Variants in GNAI1 observed in about 807,000 individuals in gnomAD.
The protein encoded by GNAI1 is guanine nucleotide-binding protein G(i) subunit alpha-1.
A neutral mutation model predicts 38.9 loss-of-function variants in GNAI1; 11 were observed. The ratio of observed to expected loss-of-function variants is 0.28; its 90% CI spans 0.18 to 0.47. The LOEUF is 0.47. Among genes scored for constraint, GNAI1 ranks in the 20% least tolerant of loss-of-function variants. The pLI, the probability that GNAI1 is intolerant of heterozygous loss-of-function variation, is 0.99. For synonymous variants in GNAI1, 166 were observed against 145.1 expected, an observed-to-expected ratio of 1.14 and a Z score of -1.04; for missense variants, 317 against 436.9, an observed-to-expected ratio of 0.73 and a Z score of 2.45.
At chr7:80,209,938 T>G (rs1788845108) in intron 5 of GNAI1, among the ~76,000 whole-genome samples, 1 of 152,166 alleles carries the variant, frequency 6.6e-6, no homozygotes, top group East Asian at 1.9e-4. Flanking sequence ...GCCAAAAGAA[T>G]GAAGAAGCCC....
chr7:80,149,521 A>G (rs1032547771), intron 1 of GNAI1, among the ~76,000 whole-genome samples: 2 of 152,202 alleles, frequency 1.3e-5, no homozygotes, highest in African/African-American at 2.4e-5. Flanking sequence ...AATTATCTGC[A>G]CTAACTTGAT....
At chr7:80,145,403 A>G (rs1787601918) in intron 1 of GNAI1, among the ~76,000 whole-genome samples, 1 of 152,064 alleles carries the variant, frequency 6.6e-6, no homozygotes, top group South Asian at 2.1e-4. Context: ...CTCCTTCTGG[A>G]GTTCCTTTTA....
chr7:80,144,796 C>G (rs1787590092), intron 1 of GNAI1, among the ~76,000 whole-genome samples: 1 of 152,146 alleles, frequency 6.6e-6, no homozygotes, highest in African/African-American at 2.4e-5. Context: ...CGAAGTTAAT[C>G]TAATTCCAAG....
Position 80,141,988 on chromosome 7 carries a change from G to C in GNAI1, c.118+6710G>C, listed in dbSNP as rs543470501. On this transcript the variant is annotated intron_variant, in intron 1 of 7. Transcript: ENST00000649796. ...AGCAAATTTAAGCTCCATGCGTCTA[G>C]CAATAGTATGTTCATGATAATTCAC... is the stretch of plus-strand genomic sequence containing the variant. 5.0e-4 allele frequency among the ~76,000 whole-genome samples: 76 copies of C among 152,224 alleles called. 2 individuals carry two copies. The South Asian group carries it at 0.015, about 30-fold the overall frequency.
At chr7:80,195,106 A>G (rs1179770925) in intron 3 of GNAI1, among the ~76,000 whole-genome samples, 1 of 151,964 alleles carries the variant, frequency 6.6e-6, no homozygotes, top group Non-Finnish European at 1.5e-5. Context: ...TGTATTGACA[A>G]GTTCTCTTGT....
intron 5 of GNAI1, among the ~76,000 whole-genome samples, chr7:80,204,251 TC>T (rs910985963): frequency 6.6e-6 from 1 of 152,128 alleles, no homozygotes; most frequent in African/African-American, 2.4e-5. Flanking sequence ...AACAATTTTT[TC>T]GTGAACAGTT....
At chr7:80,158,779 G>A (rs2714455) in intron 1 of GNAI1, among the ~76,000 whole-genome samples, 9,349 of 152,192 alleles carry the variant, frequency 0.061, 389 homozygotes, top group Non-Finnish European at 0.088. Flanking sequence ...TTTGCACCAC[G>A]CTATTCAAGC....
intron 5 of GNAI1, among the ~76,000 whole-genome samples, chr7:80,205,153 AT>A (rs1788751494): frequency 1.3e-5 from 2 of 152,184 alleles, no homozygotes; most frequent in Non-Finnish European, 2.9e-5. Context: ...TGACTAATTT[AT>A]ATGAATATAA....
rs568003126 is a variant in GNAI1 at position 80,151,633 on chromosome 7, C to T, written c.118+16355C>T. The stretch of plus-strand genomic sequence containing the variant: ...AATAAATGCCTCAATGAAGCATCAT[C>T]ATGAATGAAAAGGCTCAGTAGTGTT... On this transcript the variant is annotated intron_variant, in intron 1 of 7. Coordinates refer to ENST00000649796, the MANE Select transcript of GNAI1 (RefSeq NM_002069.6). Among the ~76,000 whole-genome samples the T allele has an allele frequency of 1.5e-4, 23 of 152,342 alleles. No individual in the cohort carries two copies. In the South Asian group the frequency reaches 4.3e-3, roughly 29 times the overall value.
At position 80,155,615 on chromosome 7, in the gene GNAI1, G is replaced by A. The variant is rs192279013; in HGVS notation, c.118+20337G>A. Among the ~76,000 whole-genome samples the A allele has an allele frequency of 1.5e-3, 226 of 152,266 alleles. 1 individual carries two copies. Among genetic ancestry groups the A allele is most frequent in the African/African-American group, 5.0e-3 (208 of 41,546 alleles). On this transcript the variant is annotated intron_variant, in intron 1 of 7. Coordinates refer to ENST00000649796, the MANE Select transcript of GNAI1 (RefSeq NM_002069.6). Reference sequence around the variant, plus strand: ...GTCATTAAGGTGTCAAAGTCAGTGAGTAGGCTGGTGCCTTTATTATTGAAG... The same window carrying A: ...GTCATTAAGGTGTCAAAGTCAGTGAATAGGCTGGTGCCTTTATTATTGAAG...
At chr7:80,178,705 T>C (rs991418952) in intron 1 of GNAI1, among the ~76,000 whole-genome samples, 16 of 152,254 alleles carry the variant, frequency 1.1e-4, no homozygotes, top group Non-Finnish European at 1.5e-5. Context: ...ATAATTGTTA[T>C]ATGCACTGGG....
intron 1 of GNAI1, among the ~76,000 whole-genome samples, chr7:80,137,208 T>C (rs985050999): frequency 6.6e-6 from 1 of 151,814 alleles, no homozygotes; most frequent in African/African-American, 2.4e-5. Context: ...ATCTTGACAG[T>C]CATCATAAGT....
chr7:80,135,701 G>T (rs1241972929), intron 1 of GNAI1: 6 of 590,246 alleles, frequency 1.0e-5, no homozygotes, highest in Non-Finnish European at 1.2e-5. Flanking sequence ...TTCGTGTGCG[G>T]TGTAGGTTGT....
At chr7:80,192,708 T>G (rs866543066) in intron 3 of GNAI1, among the ~76,000 whole-genome samples, 24 of 152,332 alleles carry the variant, frequency 1.6e-4, no homozygotes, top group Middle Eastern at 3.4e-3. Context: ...TCTGTTTGTT[T>G]TTTTTGAAAT....
intron 3 of GNAI1, 27 bp from the exon 4 acceptor site, chr7:80,199,198 C>G (rs755625091): frequency 1.9e-6 from 3 of 1,543,134 alleles, no homozygotes; most frequent in Admixed American, 3.6e-5. Context: ...TCCCTTTTTA[C>G]TTAAAAAATG....
intron 1 of GNAI1, among the ~76,000 whole-genome samples, chr7:80,164,044 T>TC (rs1423575992): frequency 6.9e-6 from 1 of 143,902 alleles, no homozygotes; most frequent in Non-Finnish European, 1.5e-5. Flanking sequence ...GCTTTCTTTT[T>TC]TTTTTTTTTT....
intron 1 of GNAI1, among the ~76,000 whole-genome samples, chr7:80,139,942 A>T (rs1322130223): frequency 3.1e-4 from 29 of 92,662 alleles, no homozygotes; most frequent in East Asian, 2.3e-3. Context: ...GTAAAGGTAG[A>T]TCTCATTTTC....
rs1789127261 is a variant in GNAI1 at position 80,224,474 on chromosome 7, A to G, written c.*6981A>G. 6.6e-6 allele frequency among the ~76,000 whole-genome samples: 1 copy of G among 152,186 alleles called. No individual in the cohort carries two copies. Among genetic ancestry groups the G allele is most frequent in the Non-Finnish European group, 1.5e-5 (1 of 68,036 alleles). On this transcript the variant is annotated 3_prime_UTR_variant, in exon 8 of 8. Coordinates refer to ENST00000649796, the MANE Select transcript of GNAI1 (RefSeq NM_002069.6). Reference sequence around the variant, plus strand: ...AGTGTCATTTCTTAGCCATATCTTCAAAATCCAGTGTCATTTCTTAGCCAT... The same window carrying G: ...AGTGTCATTTCTTAGCCATATCTTCGAAATCCAGTGTCATTTCTTAGCCAT...
At chr7:80,149,004 T>C (rs1448462133) in intron 1 of GNAI1, among the ~76,000 whole-genome samples, 1 of 152,074 alleles carries the variant, frequency 6.6e-6, no homozygotes, top group African/African-American at 2.4e-5. Context: ...AGGAATTGCT[T>C]TCTTTTGTTC....
Sources: allele counts gnomAD v4.1 joint callset (sites outside exome capture counted in the v4.1 genomes callset), GRCh38; gene constraint gnomAD v4.1.1; transcripts MANE v1.5; gene names NCBI Gene and HGNC (gene_info 2026-07-23, HGNC 2026-07-21).